Variants in CFHR1 observed in about 807,000 individuals in gnomAD.
CFHR1 encodes the protein complement factor H related 1.
A neutral mutation model predicts 30.4 loss-of-function variants in CFHR1; 22 were observed. The observed-to-expected ratio is 0.72, with a 90% CI of 0.52 to 1.03. The LOEUF is 1.03. CFHR1 is among the 50% of genes least tolerant of loss of function. The pLI is 0.00. For synonymous variants in CFHR1, 95 were observed against 129.1 expected (o/e 0.74, Z 1.79); for missense variants, 248 against 380.6 (o/e 0.65, Z 2.90).
chr1:196,831,803 G>T lies in CFHR1; in HGVS notation c.797G>T (p.Cys266Phe). The change falls in exon 6 of 6, where the codon TGT (cysteine) becomes TTT (phenylalanine). Residue 266 changes from cysteine to phenylalanine, a missense_variant. Transcript: ENST00000320493. ...WSEPPKCLHP[C>F]VISREIMENY... The stretch of plus-strand genomic sequence containing the variant: ...TACTGTTTTTTATTTTCAGATCCGT[G>T]TGTAATATCCCGAGAAATTATGGAA... 2 of 1,523,832 alleles carry T rather than the reference G, an allele frequency of 1.3e-6. No homozygotes were observed. The highest frequency in any genetic ancestry group is 8.9e-7 in the Non-Finnish European group (1 of 1,127,848). 94.4% of individuals were successfully genotyped at this position (1,523,832 alleles called of 1,614,324 possible).
chr1:196,825,728 GC>G, intron 2 of CFHR1, 57 bp downstream of exon 2: 1 of 1,424,104 alleles, frequency 7.0e-7, no homozygotes, highest in South Asian at 1.3e-5. Flanking sequence ...AGAAGGATAT[GC>G]CAGACAAGAT....
chr1:196,819,978 AT>A, intron 1 of CFHR1, 76 bp downstream of exon 1: 2 of 357,916 alleles, frequency 5.6e-6, no homozygotes, highest in Non-Finnish European at 9.9e-6. Flanking sequence ...ATGCTTACAT[AT>A]TTTTAAATGA....
chr1:196,824,748 G>GTATATATATATATATA (rs71131725), intron 1 of CFHR1, among the ~76,000 whole-genome samples: 702 of 54,810 alleles, frequency 0.013, 17 homozygotes, highest in Admixed American at 0.017. Context: ...GGGGCTGACT[G>GTATATATATATATATA]TATATATATA....
At position 196,831,873 on chromosome 1, in the gene CFHR1, T is replaced by C. The variant is rs574129450; in HGVS notation, c.867T>C (p.Tyr289=). Residue 289 remains tyrosine, a synonymous_variant, in exon 6 of 6, where the codon TAT becomes TAC. Coordinates refer to ENST00000320493, the MANE Select transcript of CFHR1 (RefSeq NM_002113.3). ...ALRWTAKQKL[Y]LRTGESAEFV... ...GGTGGACAGCCAAACAGAAGCTTTATTTGAGAACAGGTGAATCAGCTGAAT... is the reference window on the plus strand; with the variant it reads ...GGTGGACAGCCAAACAGAAGCTTTACTTGAGAACAGGTGAATCAGCTGAAT... 3.5e-5 allele frequency: 53 copies of C among 1,525,566 alleles called. 10 individuals are homozygous for C. In the South Asian group the frequency reaches 5.7e-4, roughly 17 times the overall value. The allele number at this position is 1,525,566 out of a possible 1,614,324, so 94.5% of individuals were successfully genotyped here. A position where few individuals can be genotyped will look rare whatever the true frequency, so the allele number is the denominator to read the frequency against.
rs1230086103 is a variant in CFHR1 at position 196,829,604 on chromosome 1, T to G, written c.608-896T>G. Among the ~76,000 whole-genome samples the G allele has an allele frequency of 5.1e-4, 69 of 135,078 alleles. 7 individuals carry two copies. The highest frequency in any genetic ancestry group is 1.7e-4 in the Non-Finnish European group (11 of 64,176). 88.6% of individuals were successfully genotyped at this position (135,078 alleles called of 152,430 possible). A position where few individuals can be genotyped will look rare whatever the true frequency, so the allele number is the denominator to read the frequency against. On this transcript the variant is annotated intron_variant, in intron 4 of 5. Coordinates refer to ENST00000320493, the MANE Select transcript of CFHR1 (RefSeq NM_002113.3). ...TGTCACTGGATATCAAATTTGGAGTTGACAGTTCTTTGAACACTTGAAAAC... is the reference window on the plus strand; with the variant it reads ...TGTCACTGGATATCAAATTTGGAGTGGACAGTTCTTTGAACACTTGAAAAC...
In CFHR1 at chr1:196,825,526, A is replaced by G. The variant is rs1485447804; in HGVS notation, c.108A>G (p.Glu36=). 10 of 1,520,438 alleles carry G rather than the reference A, an allele frequency of 6.6e-6. 1 individual carries two copies. In the Middle Eastern group the frequency reaches 7.5e-4, roughly 114 times the overall value. 94.2% of individuals were successfully genotyped at this position (1,520,438 alleles called of 1,614,324 possible). The part of the protein sequence containing the change: ...PKINHGILYD[E]EKYKPFSQVP... Reference sequence around the variant, plus strand: ...TAAACCATGGAATTCTATATGATGAAGAAAAATATAAGCCATTTTCCCAGG... The same window carrying G: ...TAAACCATGGAATTCTATATGATGAGGAAAAATATAAGCCATTTTCCCAGG... Residue 36 remains glutamate (E), a synonymous_variant, in exon 2 of 6, where the codon GAA becomes GAG. Transcript: ENST00000320493.
In CFHR1 at chr1:196,824,181, A is replaced by G. The variant is rs1197681452; in HGVS notation, c.59-1296A>G. Among the ~76,000 whole-genome samples, 2 of 134,798 alleles carry G rather than the reference A, an allele frequency of 1.5e-5. 1 individual carries two copies. The highest frequency in any genetic ancestry group is 6.4e-5 in the African/African-American group (2 of 31,430). The allele number at this position is 134,798 out of a possible 152,430, so 88.4% of individuals were successfully genotyped here. ...CCAGCAGATACCAAAATCCAAGGAT[A>G]CTCAAGTGTCTAAGAGAGAATGGTG... On this transcript the variant is annotated intron_variant, in intron 1 of 5. Transcript: ENST00000320493.
Position 196,825,659 on chromosome 1 carries a change from C to A in CFHR1, c.241C>A (p.Pro81Thr), listed in dbSNP as rs2124889347. Reference protein sequence around the residue: ...TCTEEGWSPTPKCLRLCFFPF... With the variant: ...TCTEEGWSPTTKCLRLCFFPF... ...CACAGAAGAAGGATGGTCACCAACACCAAAGTGTCTCAGTGAGTAAATGCT... is the reference window on the plus strand; with the variant it reads ...CACAGAAGAAGGATGGTCACCAACAACAAAGTGTCTCAGTGAGTAAATGCT... Residue 81 changes from proline to threonine, a missense_variant, in exon 2 of 6, where the codon CCA becomes ACA. By Grantham distance (38) the Pro-to-Thr change is conservative. This residue lies in a region of CFHR1 where 121 missense variants were observed against 162.6 expected (regional missense o/e 0.74). Transcript: ENST00000320493. 6.6e-7 allele frequency: 1 copy of A among 1,522,836 alleles called. No homozygotes were observed. The highest frequency in any genetic ancestry group is 8.9e-7 in the Non-Finnish European group (1 of 1,127,498). 94.3% of individuals were successfully genotyped at this position (1,522,836 alleles called of 1,614,324 possible).
intron 1 of CFHR1, chr1:196,821,074 G>C (rs145758790): frequency 0.063 from 8,893 of 140,394 alleles, 1,304 homozygotes; most frequent in Non-Finnish European, 0.091. Flanking sequence ...CCCGACCTCA[G>C]GTGATCTGCC....
In CFHR1 at chr1:196,831,893, C is replaced by A. The variant is rs16840561; in HGVS notation, c.887C>A (p.Ala296Asp). The A allele has an allele frequency of 1.2e-5, 18 of 1,523,698 alleles. 4 individuals carry two copies. The highest frequency in any genetic ancestry group is 3.7e-4 in the Middle Eastern group (2 of 5,364). 94.4% of individuals were successfully genotyped at this position (1,523,698 alleles called of 1,614,324 possible). A position where few individuals can be genotyped will look rare whatever the true frequency, so the allele number is the denominator to read the frequency against. The change falls in exon 6 of 6, where the codon GCT (alanine) becomes GAT (aspartate). Residue 296 changes from alanine (A) to aspartate (D), a missense_variant. Physicochemically the swap from Ala to Asp is moderately radical, Grantham distance 126 (BLOSUM62 -2). Transcript: ENST00000320493. ...QKLYLRTGES[A>D]EFVCKRGYRL... ...CTTTATTTGAGAACAGGTGAATCAG[C>A]TGAATTTGTGTGTAAACGGGGATAT...
At chr1:196,823,334 A>C (rs432007) in intron 1 of CFHR1, among the ~76,000 whole-genome samples, 62,877 of 132,766 alleles carry the variant, frequency 0.47, 21,133 homozygotes, top group African/African-American at 0.59. Context: ...TACAATATAA[A>C]TGGTTGATGA....
Position 196,826,699 on chromosome 1 carries a change from C to T in CFHR1, c.254-130C>T. The T allele has an allele frequency of 3.4e-6, 3 of 894,434 alleles. 1 individual carries two copies. Among genetic ancestry groups the T allele is most frequent in the Non-Finnish European group, 5.0e-6 (3 of 598,496 alleles). 55.4% of individuals were successfully genotyped at this position (894,434 alleles called of 1,614,324 possible). On this transcript the variant is annotated intron_variant, in intron 2 of 5. Coordinates refer to ENST00000320493, the MANE Select transcript of CFHR1 (RefSeq NM_002113.3). ...TCCTGGCCTCAAGTGATCCACTCGCCTCAGCCTCCCAAAGCGCAGAGATTA... is the reference window on the plus strand; with the variant it reads ...TCCTGGCCTCAAGTGATCCACTCGCTTCAGCCTCCCAAAGCGCAGAGATTA...
intron 5 of CFHR1, among the ~76,000 whole-genome samples, chr1:196,831,136 A>G (rs1984954): frequency 0.022 from 3,049 of 136,054 alleles, 887 homozygotes; most frequent in African/African-American, 0.087. Flanking sequence ...CGTCTCAATA[A>G]AAACAACACA....
In CFHR1 at chr1:196,826,815, T is replaced by A. The variant is rs1655340738; in HGVS notation, c.254-14T>A. The A allele has an allele frequency of 1.3e-6, 2 of 1,514,618 alleles. No homozygotes were observed. Among genetic ancestry groups the A allele is most frequent in the South Asian group, 2.5e-5 (2 of 79,940 alleles). 93.8% of individuals were successfully genotyped at this position (1,514,618 alleles called of 1,614,324 possible). A position where few individuals can be genotyped will look rare whatever the true frequency, so the allele number is the denominator to read the frequency against. On this transcript the variant is annotated splice_polypyrimidine_tract_variant and intron_variant, in intron 2 of 5. Coordinates refer to ENST00000320493, the MANE Select transcript of CFHR1 (RefSeq NM_002113.3). ...TACTTCCATCTTGTACATTAATCCG[T>A]TTTTGGTCCTTAGGACTGTGTTTCT...
Position 196,824,721 on chromosome 1 carries a change from G to A in CFHR1, c.59-756G>A, listed in dbSNP as rs1230318955. On this transcript the variant is annotated intron_variant, in intron 1 of 5. Transcript: ENST00000320493. ...TTTTGATCTGCAGTTGGTTGAATCA[G>A]ACGAAGTGAAACGAGTGGGGCTGAC... 2.0e-5 allele frequency among the ~76,000 whole-genome samples: 2 copies of A among 99,770 alleles called. 1 individual carries two copies. Among genetic ancestry groups the A allele is most frequent in the African/African-American group, 1.0e-4 (2 of 19,954 alleles). 65.5% of individuals were successfully genotyped at this position (99,770 alleles called of 152,430 possible).
chr1:196,830,812 T>G (rs1655525155), intron 5 of CFHR1, 130 bp downstream of exon 5: 1 of 1,262,816 alleles, frequency 7.9e-7, no homozygotes, highest in East Asian at 2.4e-5. Flanking sequence ...AAAAATTTCT[T>G]TTAGAAAGTA....
chr1:196,824,009 A>C (rs1435758149), intron 1 of CFHR1, among the ~76,000 whole-genome samples: 2 of 92,748 alleles, frequency 2.2e-5, no homozygotes, highest in Non-Finnish European at 4.2e-5. Flanking sequence ...TGTGTACACA[A>C]AAAAAGAGTA....
At chr1:196,831,034 A>C (rs1320232574) in intron 5 of CFHR1, among the ~76,000 whole-genome samples, 1 of 134,604 alleles carries the variant, frequency 7.4e-6, no homozygotes, top group Non-Finnish European at 1.6e-5. Flanking sequence ...CGGGAGTCTG[A>C]GGCAGGAAAA....
chr1:196,828,037 C>A, intron 3 of CFHR1, 33 bp from the exon 4 acceptor site: 1 of 1,491,378 alleles, frequency 6.7e-7, no homozygotes, highest in Non-Finnish European at 9.0e-7. Context: ...AAAATGAACA[C>A]TAGGTGGAAC....
Sources: gnomAD v4.1 joint callset for allele counts (sites outside exome capture counted in the v4.1 genomes callset) on GRCh38, gnomAD v4.1.1 for gene constraint, gnomAD v4.1.1 regional missense constraint, MANE v1.5 for transcripts, NCBI Gene and HGNC (gene_info 2026-07-23, HGNC 2026-07-21) for gene names.